The following TNR variants were observed in gnomAD, a reference collection of about 807,000 sequenced individuals.
TNR encodes tenascin R.
Under a neutral mutation model 150.4 loss-of-function variants are expected in TNR, and 45 were observed. That is an observed-to-expected ratio of 0.30 (90% confidence interval 0.24 to 0.38). TNR has a LOEUF of 0.38. TNR is among the 10% of genes least tolerant of loss of function. TNR has a pLI of 1.00. For synonymous variants in TNR, 687 were observed against 678.4 expected (o/e 1.01, Z -0.20); for missense variants, 1,544 against 1,759.1 (o/e 0.88, Z 2.19).
At chr1:175,418,167 T>TA (rs1405056395) in intron 2 of TNR, among the ~76,000 whole-genome samples, 1 of 152,132 alleles carries the variant, frequency 6.6e-6, no homozygotes, top group Non-Finnish European at 1.5e-5. Flanking sequence ...GGAACAGGAC[T>TA]AGGTTCCATT....
chr1:175,508,440 T>A (rs1659041250), intron 2 of TNR, among the ~76,000 whole-genome samples: 1 of 152,116 alleles, frequency 6.6e-6, no homozygotes, highest in Non-Finnish European at 1.5e-5. Context: ...GGGGCTGGAT[T>A]TATTGACTCA....
At chr1:175,648,324 C>T (rs982730236) in intron 1 of TNR, among the ~76,000 whole-genome samples, 1 of 152,210 alleles carries the variant, frequency 6.6e-6, no homozygotes, top group African/African-American at 2.4e-5. Context: ...AAAAAACGAG[C>T]TGCTTTGCTG....
chr1:175,614,855 G>C (rs1663718824), intron 1 of TNR, among the ~76,000 whole-genome samples: 1 of 152,240 alleles, frequency 6.6e-6, no homozygotes, highest in African/African-American at 2.4e-5. Context: ...CTTCCACACA[G>C]TGGGTGACCG....
chr1:175,606,117 G>C (rs1050788246), intron 1 of TNR, among the ~76,000 whole-genome samples: 1 of 152,206 alleles, frequency 6.6e-6, no homozygotes, highest in African/African-American at 2.4e-5. Context: ...TACAGGACTG[G>C]AGATTTTGGG....
chr1:175,637,740 C>T (rs372651679), intron 1 of TNR, among the ~76,000 whole-genome samples: 50 of 152,264 alleles, frequency 3.3e-4, no homozygotes, highest in South Asian at 2.9e-3. Context: ...AAGAAATCTA[C>T]CACTAGGGGG....
intron 1 of TNR, among the ~76,000 whole-genome samples, chr1:175,628,183 G>A (rs1664212720): frequency 6.6e-6 from 1 of 152,182 alleles, no homozygotes; most frequent in Non-Finnish European, 1.5e-5. Flanking sequence ...TCTGAGAAAT[G>A]TTGCCATAAG....
At chr1:175,560,287 G>T (rs1329476663) in intron 1 of TNR, among the ~76,000 whole-genome samples, 2 of 152,322 alleles carry the variant, frequency 1.3e-5, no homozygotes, top group East Asian at 3.9e-4. Context: ...CAATAATCAT[G>T]CTTTCTGCAT....
intron 1 of TNR, among the ~76,000 whole-genome samples, chr1:175,709,069 C>T (rs1666921525): frequency 6.6e-6 from 1 of 152,020 alleles, no homozygotes. Context: ...AAGATGAAGG[C>T]CTTTCCATGA....
intron 1 of TNR, among the ~76,000 whole-genome samples, chr1:175,601,244 G>A (rs1207838350): frequency 6.6e-6 from 1 of 152,228 alleles, no homozygotes; most frequent in African/African-American, 2.4e-5. Context: ...TAGAGTTTGG[G>A]TAAGGTCACT....
At chr1:175,507,715 T>C (rs1252215814) in intron 2 of TNR, among the ~76,000 whole-genome samples, 2 of 152,212 alleles carry the variant, frequency 1.3e-5, no homozygotes, top group Non-Finnish European at 2.9e-5. Flanking sequence ...CTTCTATTTG[T>C]TTTCATGCAG....
At chr1:175,576,388 G>T (rs1662112003) in intron 1 of TNR, among the ~76,000 whole-genome samples, 1 of 152,086 alleles carries the variant, frequency 6.6e-6, no homozygotes, top group Non-Finnish European at 1.5e-5. Flanking sequence ...GCGCTGGTGG[G>T]TGATCCTTAG....
chr1:175,670,668 G>C (rs1665670865), intron 1 of TNR, among the ~76,000 whole-genome samples: 1 of 152,130 alleles, frequency 6.6e-6, no homozygotes, highest in South Asian at 2.1e-4. Flanking sequence ...GTTCTCATAA[G>C]GGATGACAAT....
intron 1 of TNR, among the ~76,000 whole-genome samples, chr1:175,734,920 T>A (rs1440233000): frequency 6.6e-6 from 1 of 152,254 alleles, no homozygotes; most frequent in Non-Finnish European, 1.5e-5. Context: ...AGCCCTGTAT[T>A]GATCTGCACC....
chr1:175,375,736 GGCCT>G (rs1163677021), intron 9 of TNR, among the ~76,000 whole-genome samples: 2 of 152,058 alleles, frequency 1.3e-5, no homozygotes, highest in Non-Finnish European at 2.9e-5. Context: ...GAGTAAAGGG[GGCCT>G]GACCTTGTGC....
chr1:175,355,725 T>C (rs1651293092), intron 16 of TNR, 92 bp from the exon 17 acceptor site: 1 of 1,564,336 alleles, frequency 6.4e-7, no homozygotes, highest in African/African-American at 1.4e-5. Flanking sequence ...CCCACCTCTT[T>C]GGTCTCAGGA....
At chr1:175,575,518 C>T (rs189708414) in intron 1 of TNR, among the ~76,000 whole-genome samples, 6 of 152,294 alleles carry the variant, frequency 3.9e-5, no homozygotes, top group African/African-American at 1.4e-4. Flanking sequence ...TGCCAACCAT[C>T]ATTTTTAGCA....
intron 1 of TNR, among the ~76,000 whole-genome samples, chr1:175,711,765 G>A (rs530764409): frequency 1.3e-5 from 2 of 152,322 alleles, no homozygotes; most frequent in South Asian, 4.1e-4. Context: ...GGGGATCCAT[G>A]AGAGAGTGAG....
chr1:175,668,513 T>A (rs1352186844), intron 1 of TNR, among the ~76,000 whole-genome samples: 1 of 152,092 alleles, frequency 6.6e-6, no homozygotes, highest in Non-Finnish European at 1.5e-5. Context: ...TGAGAAGCAA[T>A]CCACCCTTTG....
chr1:175,598,447 G>T (rs1168478750), intron 1 of TNR, among the ~76,000 whole-genome samples: 1 of 152,064 alleles, frequency 6.6e-6, no homozygotes, highest in Non-Finnish European at 1.5e-5. Flanking sequence ...ACAAACAAAA[G>T]GAATATTAAA....
Sources: allele counts gnomAD v4.1 joint callset (sites outside exome capture counted in the v4.1 genomes callset), GRCh38; gene constraint gnomAD v4.1.1; transcripts MANE v1.5; gene names NCBI Gene and HGNC (gene_info 2026-07-23, HGNC 2026-07-21).